ZNF600: variants seen among roughly 807,000 people sequenced by gnomAD.
ZNF600 encodes zinc finger protein KR-ZNF1.
A neutral mutation model predicts 7.3 loss-of-function variants in ZNF600; 4 were observed. The ratio of observed to expected loss-of-function variants is 0.55; its 90% CI spans 0.27 to 1.25. The LOEUF is 1.25. Ranked by LOEUF, ZNF600 falls within the 50% of genes most tolerant of loss-of-function variation. The probability of loss-of-function intolerance (pLI) is 0.12; values close to 1 mark genes in which losing one functional copy is unlikely to be tolerated. For synonymous variants in ZNF600, 290 were observed against 308.9 expected (o/e 0.94, Z 0.64); for missense variants, 911 against 922.1 (o/e 0.99, Z 0.16).
intron 2 of ZNF600, among the ~76,000 whole-genome samples, chr19:52,777,899 G>T (rs191161235): frequency 6.6e-6 from 1 of 152,248 alleles, no homozygotes; most frequent in Non-Finnish European, 1.5e-5. Flanking sequence ...TATCACTCAG[G>T]CTCTTTGGGA....
exon 4 of ZNF600, chr19:52,765,448 G>T: frequency 7.8e-7 from 1 of 1,286,356 alleles, no homozygotes. Context: ...GTATGAGTGT[G>T]TCAATGAACT....
the ZNF600 span, chr19:52,799,429 C>A: frequency 1.4e-6 from 1 of 727,806 alleles, no homozygotes; most frequent in Non-Finnish European, 2.3e-6. Flanking sequence ...TCACATTCTT[C>A]CTATTTGTAA....
chr19:52,786,547 C>T (rs1462791634), intron 1 of ZNF600, 48 bp downstream of exon 1: 1 of 168,186 alleles, frequency 5.9e-6, no homozygotes, highest in Non-Finnish European at 1.3e-5. Context: ...ACGGGACCAG[C>T]CTCCGAGCGA....
the ZNF600 span, among the ~76,000 whole-genome samples, chr19:52,815,945 G>A: frequency 6.8e-5 from 10 of 147,014 alleles, no homozygotes; most frequent in Admixed American, 1.4e-4. Flanking sequence ...AGCCCCAAAC[G>A]TAAAGTAAAA....
chr19:52,822,019 A>G, the ZNF600 span, among the ~76,000 whole-genome samples: 2 of 151,404 alleles, frequency 1.3e-5, no homozygotes, highest in Non-Finnish European at 2.9e-5. Flanking sequence ...GCACATTTGT[A>G]AAAGAGATCT....
chr19:52,767,383 G>C, exon 4 of ZNF600: 2 of 1,614,054 alleles, frequency 1.2e-6, no homozygotes, highest in Non-Finnish European at 1.7e-6. Context: ...GAAATTCTTT[G>C]GGATGTTGAA....
intron 3 of ZNF600, among the ~76,000 whole-genome samples, chr19:52,773,443 A>G (rs1326047452): frequency 6.6e-6 from 1 of 152,158 alleles, no homozygotes; most frequent in African/African-American, 2.4e-5. Flanking sequence ...CTCAACAATA[A>G]TCCCCTGTGT....
At position 52,783,511 on chromosome 19, in the gene ZNF600, G is replaced by A. The variant is rs577570945; in HGVS notation, c.-20+3084C>T. On this transcript the variant is annotated intron_variant, in intron 1 of 3. Transcript: ENST00000648973. ...GGAGCAGCCGGGACTACAGGCGCCC[G>A]CCACCACGCCCGGCTAATTTTTAGT... Among the ~76,000 whole-genome samples, 159 of 152,058 alleles carry A rather than the reference G, an allele frequency of 1.0e-3. 1 individual carries two copies. Among genetic ancestry groups the A allele is most frequent in the East Asian group, 1.6e-3 (8 of 5,126 alleles).
At chr19:52,813,249 G>GGAAAAAAAAAAAA in the ZNF600 span, among the ~76,000 whole-genome samples, 2 of 62,984 alleles carry the variant, frequency 3.2e-5, no homozygotes, top group Non-Finnish European at 5.5e-5. Context: ...CTTGAATGGT[G>GGAAAAAAAAAAAA]AAAAAAAAAA....
intron 1 of ZNF600, among the ~76,000 whole-genome samples, chr19:52,783,713 T>C (rs937662923): frequency 6.6e-6 from 1 of 152,160 alleles, no homozygotes; most frequent in African/African-American, 2.4e-5. Flanking sequence ...TCCATCTGTT[T>C]CTTTTCTGCA....
the ZNF600 span, among the ~76,000 whole-genome samples, chr19:52,813,372 A>C: frequency 1.3e-5 from 2 of 150,024 alleles, no homozygotes; most frequent in African/African-American, 4.9e-5. Context: ...GGGGCGGCTT[A>C]TTCACTCTGG....
At chr19:52,780,468 C>T (rs941964023) in intron 1 of ZNF600, among the ~76,000 whole-genome samples, 113 bp downstream of exon 3, 50 of 152,120 alleles carry the variant, frequency 3.3e-4, no homozygotes, top group African/African-American at 1.1e-3. Context: ...GGAAAGCGAC[C>T]AGTGGGGCTG....
chr19:52,774,713 C>T lies in ZNF600; in HGVS notation c.64-12G>A. 1 of 985,386 alleles carries T rather than the reference C, an allele frequency of 1.0e-6. No individual in the cohort carries two copies. Among genetic ancestry groups the T allele is most frequent in the Middle Eastern group, 5.2e-4 (1 of 1,914 alleles). 61.0% of individuals were successfully genotyped at this position (985,386 alleles called of 1,614,324 possible). On this transcript the variant is annotated splice_polypyrimidine_tract_variant and intron_variant, in intron 2 of 3. Coordinates refer to ENST00000648973, the Ensembl canonical transcript of ZNF600. ...AAAGTCAAGCGTCCCTAAAATGAAA[C>T]ACACATTTCCACAAAACATTATGGA...
At chr19:52,767,461 G>A (rs1201974806) in exon 4 of ZNF600, 1 of 1,614,168 alleles carries the variant, frequency 6.2e-7, no homozygotes, top group South Asian at 1.1e-5. Flanking sequence ...TGAATTATGT[G>A]GAGTTCAGGC....
At position 52,765,979 on chromosome 19, in the gene ZNF600, G is replaced by A. The variant is rs757232060; in HGVS notation, c.1984C>T (p.Arg662Cys). The A allele has an allele frequency of 1.5e-5, 25 of 1,613,952 alleles. No homozygotes were observed. The highest frequency in any genetic ancestry group is 3.3e-4 in the Middle Eastern group (2 of 6,062). Residue 662 changes from arginine (R) to cysteine (C), a missense_variant, in exon 4 of 4, where the codon CGT becomes TGT. Arg to Cys is a radical substitution (Grantham distance 180). Transcript: ENST00000648973. ...GTATGTCTTGCCAGGTATGAATTAC[G>A]CACGAAAGCCTTGTCACAAACCGTA...
At chr19:52,785,614 A>T (rs550341116) in intron 1 of ZNF600, among the ~76,000 whole-genome samples, 72 of 152,036 alleles carry the variant, frequency 4.7e-4, no homozygotes, top group African/African-American at 1.7e-3. Context: ...TATATATTAC[A>T]GCCTCTTCTC....
At chr19:52,787,592 C>T (rs1254652348), upstream of ZNF600, among the ~76,000 whole-genome samples, 1 of 151,244 alleles carries the variant, frequency 6.6e-6, no homozygotes, top group Admixed American at 6.6e-5. Flanking sequence ...GGCGCGCTGG[C>T]TCACACCTGT....
rs1273000064 is a variant in ZNF600, at chr19:52,784,119, C to T, written c.-20+2476G>A. Among the ~76,000 whole-genome samples the T allele has an allele frequency of 4.6e-5, 7 of 152,208 alleles. No individual in the cohort carries two copies. The South Asian group carries it at 6.2e-4, about 14-fold the overall frequency. On this transcript the variant is annotated intron_variant, in intron 1 of 3. Coordinates refer to ENST00000648973, the Ensembl canonical transcript of ZNF600. Reference sequence around the variant, plus strand: ...TAATTAGTAGGTAGGCCCGGCATGGCGGCTCATCCCTGTAATCCCAGTACT... The same window carrying T: ...TAATTAGTAGGTAGGCCCGGCATGGTGGCTCATCCCTGTAATCCCAGTACT...
chr19:52,833,259 G>A, the ZNF600 span, among the ~76,000 whole-genome samples: 2 of 152,128 alleles, frequency 1.3e-5, no homozygotes, highest in Non-Finnish European at 2.9e-5. Flanking sequence ...AACAATCCAG[G>A]TTGCCCAGCA....
Sources: gnomAD v4.1 joint callset for allele counts (sites outside exome capture counted in the v4.1 genomes callset) on GRCh38, gnomAD v4.1.1 for gene constraint, MANE v1.5 for transcripts, NCBI Gene and HGNC (gene_info 2026-07-23, HGNC 2026-07-21) for gene names.